Variants in PPP1R36 observed in about 807,000 individuals in gnomAD.
The protein encoded by PPP1R36 is chromosome 14 open reading frame 50.
PPP1R36 carries 47 observed loss-of-function variants against 53.4 expected under a neutral mutation model. The ratio of observed to expected loss-of-function variants is 0.88; its 90% CI spans 0.70 to 1.12. The LOEUF is 1.12. PPP1R36 is among the 50% of genes most tolerant of loss of function. The pLI is 0.00. For missense variants in PPP1R36, 456 were observed against 513.9 expected (o/e 0.89, Z 1.09); for synonymous variants, 153 against 170.5 (o/e 0.90, Z 0.80).
intron 3 of PPP1R36, among the ~76,000 whole-genome samples, chr14:64,557,613 C>T (rs527799307): frequency 6.6e-6 from 1 of 152,216 alleles, no homozygotes; most frequent in South Asian, 2.1e-4. Context: ...TTACAATTGG[C>T]TTGATATGTC....
intron 3 of PPP1R36, among the ~76,000 whole-genome samples, chr14:64,563,710 G>T (rs2080226078): frequency 6.6e-6 from 1 of 152,184 alleles, no homozygotes; most frequent in Non-Finnish European, 1.5e-5. Flanking sequence ...TTTAGAGAAT[G>T]AATAAAGTTG....
rs201989939 is a variant in PPP1R36 at position 64,588,104 on chromosome 14, G to A, written c.891G>A (p.Arg297=). 2 of 1,596,550 alleles carry A rather than the reference G, an allele frequency of 1.3e-6. No homozygotes were observed. The highest frequency in any genetic ancestry group is 1.7e-6 in the Non-Finnish European group (2 of 1,169,200). The change falls in exon 11 of 12, where the codon AGG becomes AGA. Residue 297 remains arginine, a splice_region_variant and synonymous_variant. Coordinates refer to ENST00000298705, the MANE Select transcript of PPP1R36 (RefSeq NM_172365.3). The part of the protein sequence containing the change: ...EKKRMTFVQF[R]RMMAKRPAIK... ...TAAATGTCACCTTCCTCCCCGACAG[G>A]AGAATGATGGCAAAACGCCCAGCAA...
chr14:64,581,047 T>C (rs2080384876), intron 8 of PPP1R36, among the ~76,000 whole-genome samples: 1 of 152,204 alleles, frequency 6.6e-6, no homozygotes, highest in Admixed American at 6.5e-5. Flanking sequence ...ACTTAAGACC[T>C]GACCTCTCTG....
chr14:64,573,420 C>T (rs762322313), intron 7 of PPP1R36, among the ~76,000 whole-genome samples: 1 of 152,102 alleles, frequency 6.6e-6, no homozygotes. Flanking sequence ...ACATGTTGAG[C>T]CCCCAAGCTC....
intron 7 of PPP1R36, among the ~76,000 whole-genome samples, chr14:64,569,344 G>A (rs1339785052): frequency 6.6e-6 from 1 of 152,198 alleles, no homozygotes; most frequent in Non-Finnish European, 1.5e-5. Flanking sequence ...AGTTGTTGCT[G>A]CAGGATGTTT....
At chr14:64,554,139 A>ATTTTTTTTTTTTTTTTTTTTTTTTTTTT (rs1235272685) in intron 3 of PPP1R36, among the ~76,000 whole-genome samples, 1 of 109,018 alleles carries the variant, frequency 9.2e-6, no homozygotes, top group Admixed American at 9.0e-5. Flanking sequence ...TCCCATCACA[A>ATTTTTTTTTTTTTTTTTTTTTTTTTTTT]TTGTTTTTTT....
rs147664144 is a variant in PPP1R36, at chr14:64,554,201, G to A, written c.182+1340G>A. Among the ~76,000 whole-genome samples the A allele has an allele frequency of 2.5e-4, 35 of 142,508 alleles. No homozygotes were observed. In the East Asian group the frequency reaches 2.6e-3, roughly 11 times the overall value. 93.5% of individuals were successfully genotyped at this position (142,508 alleles called of 152,430 possible). On this transcript the variant is annotated intron_variant, in intron 3 of 11. Transcript: ENST00000298705. The stretch of plus-strand genomic sequence containing the variant: ...AGTCCCTTTCTTGTGGCTCAGGCTG[G>A]AGTGCAGTGGAGCGGTCCTGGCTCA...
chr14:64,577,520 T>C (rs2080352544), intron 8 of PPP1R36, among the ~76,000 whole-genome samples: 1 of 151,992 alleles, frequency 6.6e-6, no homozygotes, highest in Non-Finnish European at 1.5e-5. Flanking sequence ...GCCTTTCCTC[T>C]CTCACAGGGT....
chr14:64,586,892 T>C lies in PPP1R36; in HGVS notation c.711+13T>C. 1 of 1,607,426 alleles carries C rather than the reference T, an allele frequency of 6.2e-7. No individual in the cohort carries two copies. The highest frequency in any genetic ancestry group is 8.5e-7 in the Non-Finnish European group (1 of 1,174,538). ...GAAGTTCTTTGAGGTGAGTCACTTA[T>C]GTTTTGGTGCTTTTTGATATGAAAC... On this transcript the variant is annotated intron_variant, in intron 9 of 11. Transcript: ENST00000298705.
chr14:64,583,075 A>ATTT (rs34144614), intron 8 of PPP1R36, among the ~76,000 whole-genome samples: 6,836 of 132,988 alleles, frequency 0.051, 255 homozygotes, highest in East Asian at 0.16. Flanking sequence ...ATATATATAT[A>ATTT]TTTTTTTTTT....
intron 10 of PPP1R36, among the ~76,000 whole-genome samples, 176 bp from the exon 11 acceptor site, chr14:64,587,928 A>C (rs1196803017): frequency 1.9e-4 from 29 of 151,920 alleles, no homozygotes; most frequent in Admixed American, 1.9e-3. Flanking sequence ...TTTTTTGTAG[A>C]GACGGGGGTC....
chr14:64,578,145 G>A (rs1385663238), intron 8 of PPP1R36, among the ~76,000 whole-genome samples: 1 of 151,026 alleles, frequency 6.6e-6, no homozygotes, highest in Non-Finnish European at 1.5e-5. Context: ...GTAGAGATGG[G>A]GTTTCACCAT....
At position 64,579,786 on chromosome 14, in the gene PPP1R36, C is replaced by T. The variant is rs1412603838; in HGVS notation, c.668+5197C>T. Among the ~76,000 whole-genome samples the T allele has an allele frequency of 3.3e-5, 5 of 151,634 alleles. 1 individual carries two copies. Among genetic ancestry groups the T allele is most frequent in the African/African-American group, 4.8e-5 (2 of 41,248 alleles). Reference sequence around the variant, plus strand: ...GAGATCGAGACCATCCTGGCTAACACGGCGAAACCCCATCTCTACTAAAAA... The same window carrying T: ...GAGATCGAGACCATCCTGGCTAACATGGCGAAACCCCATCTCTACTAAAAA... On this transcript the variant is annotated intron_variant, in intron 8 of 11. Coordinates refer to ENST00000298705, the MANE Select transcript of PPP1R36 (RefSeq NM_172365.3).
intron 9 of PPP1R36, 21 bp from the exon 10 acceptor site, chr14:64,587,173 C>T: frequency 6.3e-7 from 1 of 1,580,018 alleles, no homozygotes; most frequent in African/African-American, 1.4e-5. Context: ...GATCGTGATT[C>T]TTGTCTATTT....
chr14:64,588,035 C>A, intron 10 of PPP1R36, 69 bp from the exon 11 acceptor site: 2 of 1,436,144 alleles, frequency 1.4e-6, no homozygotes, highest in South Asian at 1.3e-5. Flanking sequence ...TGAGCCACTG[C>A]ACCTGGCCTC....
chr14:64,578,801 T>C (rs1388587586), intron 8 of PPP1R36, among the ~76,000 whole-genome samples: 1 of 152,194 alleles, frequency 6.6e-6, no homozygotes, highest in Admixed American at 6.5e-5. Context: ...TAAAGACACA[T>C]GCATGCAAAT....
chr14:64,577,273 T>C (rs879673784), intron 8 of PPP1R36, among the ~76,000 whole-genome samples: 1 of 152,196 alleles, frequency 6.6e-6, no homozygotes, highest in African/African-American at 2.4e-5. Context: ...CCTGAGACCA[T>C]CACACTGGGA....
At chr14:64,560,139 G>T (rs1282631107) in intron 3 of PPP1R36, among the ~76,000 whole-genome samples, 4 of 106,950 alleles carry the variant, frequency 3.7e-5, no homozygotes, top group Non-Finnish European at 5.7e-5. Flanking sequence ...AAAAAGAACC[G>T]CATCTTAGAA....
chr14:64,570,880 A>C (rs1222644294), intron 7 of PPP1R36, among the ~76,000 whole-genome samples: 1 of 152,210 alleles, frequency 6.6e-6, no homozygotes, highest in Non-Finnish European at 1.5e-5. Flanking sequence ...TGAAGAAATT[A>C]AGGCTCACAG....
Sources: gnomAD v4.1 joint callset for allele counts (sites outside exome capture counted in the v4.1 genomes callset) on GRCh38, gnomAD v4.1.1 for gene constraint, MANE v1.5 for transcripts, NCBI Gene and HGNC (gene_info 2026-07-23, HGNC 2026-07-21) for gene names.